ASTN2: variants seen among roughly 807,000 people sequenced by gnomAD.
ASTN2 encodes the protein astrotactin 2.
ASTN2 carries 54 observed loss-of-function variants against 139.8 expected under a neutral mutation model. The observed-to-expected ratio is 0.39, with a 90% confidence interval of 0.31 to 0.48. The LOEUF (loss-of-function observed/expected upper bound fraction) is 0.48, where lower values mean the gene tolerates loss of function less well. Ranked by LOEUF, ASTN2 falls within the 20% of genes least tolerant of loss-of-function variation. ASTN2 has a pLI of 0.95. For missense variants in ASTN2, 1,565 were observed against 1,725.1 expected (o/e 0.91, Z 1.64); for synonymous variants, 756 against 719.5 (o/e 1.05, Z -0.81).
intron 13 of ASTN2, among the ~76,000 whole-genome samples, chr9:116,800,041 TC>T (rs1280339702): frequency 4.6e-5 from 7 of 152,180 alleles, no homozygotes; most frequent in African/African-American, 1.4e-4. Flanking sequence ...CTCAGCACCA[TC>T]CAGTCTCTCA....
intron 19 of ASTN2, among the ~76,000 whole-genome samples, chr9:116,487,882 TTCTC>T (rs36055241): frequency 0.037 from 5,669 of 152,278 alleles, 341 homozygotes; most frequent in African/African-American, 0.13. Context: ...AGCAAAGCTC[TTCTC>T]TCTTAGAATT....
At chr9:116,993,240 C>A (rs888893072) in intron 7 of ASTN2, among the ~76,000 whole-genome samples, 4 of 152,150 alleles carry the variant, frequency 2.6e-5, no homozygotes, top group African/African-American at 9.7e-5. Context: ...CCAGTTCAAC[C>A]CAGCACATTA....
chr9:116,553,854 T>G (rs753138693), intron 19 of ASTN2, among the ~76,000 whole-genome samples: 7 of 152,180 alleles, frequency 4.6e-5, no homozygotes, highest in Non-Finnish European at 7.3e-5. Flanking sequence ...AAAATTGAAG[T>G]TTTAGAAAAC....
intron 7 of ASTN2, among the ~76,000 whole-genome samples, chr9:116,982,511 A>G (rs2132537002): frequency 6.6e-6 from 1 of 152,198 alleles, no homozygotes; most frequent in Middle Eastern, 3.4e-3. Context: ...GCCCTTTGCA[A>G]AACCCAAAAG....
chr9:116,999,991 A>G (rs1472244002), intron 7 of ASTN2, among the ~76,000 whole-genome samples: 1 of 152,234 alleles, frequency 6.6e-6, no homozygotes, highest in African/African-American at 2.4e-5. Flanking sequence ...CAGAGATGAT[A>G]TCATATTTTC....
chr9:116,724,468 C>T (rs1828561138), intron 16 of ASTN2, among the ~76,000 whole-genome samples: 1 of 152,180 alleles, frequency 6.6e-6, no homozygotes, highest in Non-Finnish European at 1.5e-5. Flanking sequence ...GATTGGGAAG[C>T]AGGTGGACTA....
intron 16 of ASTN2, among the ~76,000 whole-genome samples, chr9:116,707,256 C>G (rs1266880649): frequency 7.8e-6 from 1 of 129,012 alleles, no homozygotes; most frequent in Admixed American, 1.0e-4. Flanking sequence ...CTACTTCTGC[C>G]TATGCCCTAT....
At chr9:116,706,760 ATTTTTTTTTTT>A (rs60395133) in intron 16 of ASTN2, among the ~76,000 whole-genome samples, 1 of 88,058 alleles carries the variant, frequency 1.1e-5, no homozygotes, top group Non-Finnish European at 2.1e-5. Context: ...GCTGGCTAGA[ATTTTTTTTTTT>A]TTTTTTTTTT....
chr9:116,704,904 G>T (rs2132086649), intron 16 of ASTN2, among the ~76,000 whole-genome samples: 1 of 152,184 alleles, frequency 6.6e-6, no homozygotes, highest in Admixed American at 6.5e-5. Context: ...CTAATATGTA[G>T]TACATACATC....
At chr9:116,440,390 C>T (rs1847805958) in intron 22 of ASTN2, among the ~76,000 whole-genome samples, 1 of 152,050 alleles carries the variant, frequency 6.6e-6, no homozygotes, top group Non-Finnish European at 1.5e-5. Flanking sequence ...GCATCAATGC[C>T]CTTTCCCCAT....
chr9:116,487,471 G>A lies in ASTN2; in HGVS notation c.3385C>T (p.Leu1129Phe), dbSNP rs1216735822. 3 of 1,613,866 alleles carry A rather than the reference G, an allele frequency of 1.9e-6. No individual in the cohort carries two copies. Among genetic ancestry groups the A allele is most frequent in the Admixed American group, 1.7e-5 (1 of 59,986 alleles). ...ACACAAGATGTGCCCAGGCCAGAGAGTAAGTCATCAGCAAAACTCAGGAAT... is the reference window on the plus strand; with the variant it reads ...ACACAAGATGTGCCCAGGCCAGAGAATAAGTCATCAGCAAAACTCAGGAAT... ...GEFLSFADDL[L>F]SGLGTSCVAA... The change falls in exon 20 of 23, where the codon CTC becomes TTC. Residue 1129 changes from leucine (L) to phenylalanine (F), a missense_variant. Around this residue, in one of 4 missense-constraint regions of ASTN2, gnomAD observed 418 missense variants for 465.8 expected, o/e 0.90. Coordinates refer to ENST00000313400, the MANE Select transcript of ASTN2 (RefSeq NM_001365068.1).
intron 14 of ASTN2, among the ~76,000 whole-genome samples, chr9:116,733,145 G>A (rs986039842): frequency 3.3e-5 from 5 of 152,216 alleles, no homozygotes; most frequent in Admixed American, 2.0e-4. Context: ...GAGAAAAATC[G>A]TTCCTGTTCT....
At chr9:116,649,397 A>G (rs1008902572) in intron 17 of ASTN2, among the ~76,000 whole-genome samples, 1 of 151,688 alleles carries the variant, frequency 6.6e-6, no homozygotes, top group Non-Finnish European at 1.5e-5. Context: ...ACATGGTGAA[A>G]CCCCATCTCT....
intron 7 of ASTN2, among the ~76,000 whole-genome samples, chr9:116,978,256 T>A (rs956999777): frequency 6.6e-6 from 1 of 152,170 alleles, no homozygotes; most frequent in Non-Finnish European, 1.5e-5. Context: ...TATAATTCTA[T>A]GGAACACCTC....
intron 2 of ASTN2, among the ~76,000 whole-genome samples, chr9:117,231,060 G>A (rs1413307575): frequency 5.3e-5 from 8 of 152,168 alleles, no homozygotes; most frequent in Non-Finnish European, 1.0e-4. Flanking sequence ...GGTAGGGTTG[G>A]TCTGGGAGCA....
intron 3 of ASTN2, among the ~76,000 whole-genome samples, chr9:117,202,832 A>G (rs1160737770): frequency 1.3e-5 from 2 of 152,014 alleles, no homozygotes; most frequent in Non-Finnish European, 2.9e-5. Context: ...CTTCTCGTGG[A>G]GCATCTTAAT....
At chr9:116,872,610 GC>G (rs1489052411) in intron 10 of ASTN2, among the ~76,000 whole-genome samples, 2 of 152,164 alleles carry the variant, frequency 1.3e-5, no homozygotes. Flanking sequence ...GATAAGTGAG[GC>G]CACAGGACCA....
intron 20 of ASTN2, among the ~76,000 whole-genome samples, chr9:116,454,281 G>A (rs1564287655): frequency 6.6e-6 from 1 of 152,072 alleles, no homozygotes. Flanking sequence ...CTATGACAAA[G>A]TAGAATTTGA....
chr9:116,809,669 T>C (rs1831114366), intron 12 of ASTN2, among the ~76,000 whole-genome samples: 1 of 152,210 alleles, frequency 6.6e-6, no homozygotes, highest in African/African-American at 2.4e-5. Flanking sequence ...GTAAACTAAA[T>C]TGGGGGAAGA....
Sources: allele counts gnomAD v4.1 joint callset (sites outside exome capture counted in the v4.1 genomes callset), GRCh38; gene constraint gnomAD v4.1.1; regional missense constraint gnomAD v4.1.1; transcripts MANE v1.5; gene names NCBI Gene and HGNC (gene_info 2026-07-23, HGNC 2026-07-21).